ARHGEF3: variants seen among roughly 807,000 people sequenced by gnomAD.
The protein encoded by ARHGEF3 is Rho guanine nucleotide exchange factor 3, also known as 59.8 kDA protein.
In ARHGEF3, 28 loss-of-function variants were observed where a neutral mutation model predicts 63.2. The ratio of observed to expected loss-of-function variants is 0.44; its 90% confidence interval spans 0.33 to 0.61. ARHGEF3 has a LOEUF of 0.61. Ranked by LOEUF, ARHGEF3 falls within the 20% of genes least tolerant of loss-of-function variation. ARHGEF3 has a pLI of 0.03. For synonymous variants in ARHGEF3, 266 were observed against 254.2 expected (o/e 1.05, Z -0.44); for missense variants, 533 against 659.3 (o/e 0.81, Z 2.10).
At chr3:56,737,136 T>G (rs777024145) in intron 8 of ARHGEF3, 49 bp downstream of exon 8, 1 of 1,510,006 alleles carries the variant, frequency 6.6e-7, no homozygotes, top group Non-Finnish European at 9.0e-7. Flanking sequence ...CCAAATGAAT[T>G]AGGGATACGG....
intron 3 of ARHGEF3, among the ~76,000 whole-genome samples, chr3:56,948,697 G>A (rs1699646072): frequency 1.3e-5 from 2 of 152,082 alleles, no homozygotes; most frequent in Non-Finnish European, 2.9e-5. Context: ...TTCTACCAGA[G>A]GTACAAGGAG....
chr3:56,929,634 G>A (rs2108388900), intron 3 of ARHGEF3, among the ~76,000 whole-genome samples: 2 of 152,320 alleles, frequency 1.3e-5, no homozygotes, highest in East Asian at 1.9e-4. Flanking sequence ...GACTTAAGCA[G>A]AACTCCCCAA....
chr3:56,860,566 T>C (rs2040039156), intron 4 of ARHGEF3, among the ~76,000 whole-genome samples: 1 of 152,232 alleles, frequency 6.6e-6, no homozygotes, highest in Non-Finnish European at 1.5e-5. Flanking sequence ...ACCAGTATAA[T>C]GTGAAGAGAA....
chr3:56,983,440 T>A (rs927865975), intron 2 of ARHGEF3, among the ~76,000 whole-genome samples: 2 of 152,204 alleles, frequency 1.3e-5, no homozygotes, highest in Non-Finnish European at 2.9e-5. Flanking sequence ...GAGTTGGTGA[T>A]CCCTGGCCTG....
At chr3:56,955,669 T>C (rs1700013797) in intron 3 of ARHGEF3, among the ~76,000 whole-genome samples, 1 of 152,236 alleles carries the variant, frequency 6.6e-6, no homozygotes, top group Non-Finnish European at 1.5e-5. Context: ...CACCCTGCCC[T>C]AGAACAGCAT....
chr3:56,908,475 C>T (rs964221082), intron 3 of ARHGEF3, among the ~76,000 whole-genome samples: 32 of 152,240 alleles, frequency 2.1e-4, no homozygotes, highest in African/African-American at 7.5e-4. Context: ...GGTGAGGTGA[C>T]AAGCACTTTG....
At chr3:56,802,408 T>G (rs186049512), upstream of ARHGEF3, among the ~76,000 whole-genome samples, 9 of 152,128 alleles carry the variant, frequency 5.9e-5, no homozygotes, top group African/African-American at 2.2e-4. Context: ...CACTGCACGT[T>G]TTTTTTGTTT....
At chr3:57,042,720 G>A (rs1391317693) in intron 1 of ARHGEF3, among the ~76,000 whole-genome samples, 4 of 71,950 alleles carry the variant, frequency 5.6e-5, no homozygotes, top group African/African-American at 1.5e-4. Context: ...TTTTTTAGAC[G>A]GAGTCTCGCT....
At chr3:57,014,703 CAG>C (rs1452398113) in intron 2 of ARHGEF3, among the ~76,000 whole-genome samples, 16 of 144,888 alleles carry the variant, frequency 1.1e-4, no homozygotes, top group Admixed American at 7.7e-4. Context: ...TTTTTTGAGA[CAG>C]AGTCTCGCTG....
intron 1 of ARHGEF3, among the ~76,000 whole-genome samples, chr3:56,790,605 A>G (rs1016314637): frequency 6.6e-6 from 1 of 152,156 alleles, no homozygotes; most frequent in African/African-American, 2.4e-5. Flanking sequence ...AGTCTTCCCC[A>G]GTGACCTTTA....
intron 4 of ARHGEF3, among the ~76,000 whole-genome samples, chr3:56,838,216 G>A (rs2039183924): frequency 6.6e-6 from 1 of 152,092 alleles, no homozygotes; most frequent in South Asian, 2.1e-4. Flanking sequence ...TGTAAAGTAT[G>A]TAAAAAATAC....
chr3:57,076,525 G>T (rs1463840997), intron 1 of ARHGEF3, among the ~76,000 whole-genome samples: 1 of 152,120 alleles, frequency 6.6e-6, no homozygotes, highest in Non-Finnish European at 1.5e-5. Flanking sequence ...CTCCTCCAAT[G>T]GTTCTCTGTC....
At chr3:57,017,032 T>TCTCTCTCTCTCTCTCTCACACA (rs1221332567) in intron 2 of ARHGEF3, among the ~76,000 whole-genome samples, 1 of 104,314 alleles carries the variant, frequency 9.6e-6, no homozygotes, top group African/African-American at 3.6e-5. Context: ...TCTCTCTCTC[T>TCTCTCTCTCTCTCTCTCACACA]CACACACACA....
intron 1 of ARHGEF3, among the ~76,000 whole-genome samples, chr3:57,069,072 A>G (rs560373179): frequency 7.2e-5 from 11 of 151,902 alleles, no homozygotes; most frequent in Non-Finnish European, 8.8e-5. Context: ...ACAGGCACTC[A>G]CCACCACGTC....
At chr3:56,958,839 G>T (rs931101379) in exon 3 of ARHGEF3, 18 of 1,551,472 alleles carry the variant, frequency 1.2e-5, no homozygotes, top group Non-Finnish European at 1.5e-5. Context: ...GAAATTCCAG[G>T]CTTTAGGAGA....
At chr3:56,883,524 T>A (rs936007889) in intron 3 of ARHGEF3, among the ~76,000 whole-genome samples, 1 of 152,190 alleles carries the variant, frequency 6.6e-6, no homozygotes, top group Non-Finnish European at 1.5e-5. Flanking sequence ...CTCAAACTCC[T>A]GGGCTCAAGT....
chr3:56,734,896 T>C (rs151246642), intron 8 of ARHGEF3, among the ~76,000 whole-genome samples: 1 of 152,210 alleles, frequency 6.6e-6, no homozygotes, highest in East Asian at 1.9e-4. Flanking sequence ...GCTGTTTTAA[T>C]GTACAGTATT....
At chr3:56,755,535 A>C (rs771852476) in intron 2 of ARHGEF3, among the ~76,000 whole-genome samples, 3 of 152,204 alleles carry the variant, frequency 2.0e-5, no homozygotes, top group Non-Finnish European at 4.4e-5. Context: ...TTATTTATTC[A>C]AACATTTGGC....
intron 3 of ARHGEF3, among the ~76,000 whole-genome samples, chr3:56,934,661 C>T (rs543187813): frequency 3.9e-5 from 6 of 152,360 alleles, no homozygotes; most frequent in Non-Finnish European, 7.3e-5. Context: ...AGCCCACCAG[C>T]GCTGCGCTCG....
Sources: allele counts gnomAD v4.1 joint callset (sites outside exome capture counted in the v4.1 genomes callset), GRCh38; gene constraint gnomAD v4.1.1; transcripts MANE v1.5; gene names NCBI Gene and HGNC (gene_info 2026-07-23, HGNC 2026-07-21).